The following CMAS variants were observed in gnomAD, a reference collection of about 807,000 sequenced individuals.
CMAS encodes cytidine monophosphate N-acetylneuraminic acid synthetase, also known as N-acylneuraminate cytidylyltransferase.
Under a neutral mutation model 53.4 loss-of-function variants are expected in CMAS, and 21 were observed. The ratio of observed to expected loss-of-function variants is 0.39; its 90% CI spans 0.28 to 0.57. CMAS has a LOEUF of 0.57. Ranked by LOEUF, CMAS falls within the 20% of genes least tolerant of loss-of-function variation. CMAS has a pLI of 0.56. For synonymous variants in CMAS, 189 were observed against 195.2 expected, an observed-to-expected ratio of 0.97 and a Z score of 0.27; for missense variants, 384 against 534.9, an observed-to-expected ratio of 0.72 and a Z score of 2.78.
rs1950299480 is a variant in CMAS at position 22,060,277 on chromosome 12, GTT to G, written c.694-553_694-552del. Among the ~76,000 whole-genome samples the G allele has an allele frequency of 2.2e-5, 3 of 133,550 alleles. No individual in the cohort carries two copies. In the South Asian group the frequency reaches 7.3e-4, roughly 32 times the overall value. The allele number at this position is 133,550 out of a possible 152,430, so 87.6% of individuals were successfully genotyped here. A position where few individuals can be genotyped will look rare whatever the true frequency, so the allele number is the denominator to read the frequency against. ...TTTTCTTAAATAGGGAACTTGAACT[GTT>G]TAGATAGAATTTGAAAAATGTTAAG... On this transcript the variant is annotated intron_variant, in intron 4 of 7. Coordinates refer to ENST00000229329, the MANE Select transcript of CMAS (RefSeq NM_018686.6).
chr12:22,047,040 C>T (rs1045792884), intron 1 of CMAS, among the ~76,000 whole-genome samples: 1 of 152,106 alleles, frequency 6.6e-6, no homozygotes, highest in African/African-American at 2.4e-5. Context: ...GTCGGGGTGT[C>T]AGAGCTGAAT....
rs1218636049 is a variant in CMAS, at chr12:22,046,233, G to A, written c.-71G>A. 3.0e-6 allele frequency: 4 copies of A among 1,353,944 alleles called. No homozygotes were observed. Among genetic ancestry groups the A allele is most frequent in the East Asian group, 6.2e-5 (2 of 32,266 alleles). The allele number at this position is 1,353,944 out of a possible 1,614,324, so 83.9% of individuals were successfully genotyped here. A position where few individuals can be genotyped will look rare whatever the true frequency, so the allele number is the denominator to read the frequency against. ...GCCAGCTGCCAGGCGGGGATCGGGC[G>A]GCGCCGAGCTGAGGTGGTGAGGGAC... is the stretch of plus-strand genomic sequence containing the variant. On this transcript the variant is annotated 5_prime_UTR_variant, in exon 1 of 8. Coordinates refer to ENST00000229329, the MANE Select transcript of CMAS (RefSeq NM_018686.6).
intron 4 of CMAS, 98 bp downstream of exon 4, chr12:22,058,798 A>G (rs1950286834): frequency 1.8e-5 from 25 of 1,404,756 alleles, no homozygotes; most frequent in Non-Finnish European, 2.1e-5. Context: ...ATGATAAAGA[A>G]AAGTATCAAC....
At chr12:22,062,230 CTT>C (rs1241959783) in intron 6 of CMAS, 49 bp from the exon 7 acceptor site, 1 of 1,499,610 alleles carries the variant, frequency 6.7e-7, no homozygotes, top group Non-Finnish European at 8.9e-7. Context: ...GTTTTCTTCA[CTT>C]TTTAATTTTT....
intron 7 of CMAS, 31 bp from the exon 8 acceptor site, chr12:22,065,090 A>ATGTT (rs1950337985): frequency 2.6e-6 from 4 of 1,540,386 alleles, no homozygotes; most frequent in Non-Finnish European, 3.6e-6. Context: ...GTCTCTTTAA[A>ATGTT]TGTTTGCTCA....
intron 4 of CMAS, 135 bp downstream of exon 4, chr12:22,058,835 A>G: frequency 9.8e-7 from 1 of 1,018,814 alleles, no homozygotes; most frequent in East Asian, 2.7e-5. Context: ...ATAGCCAACA[A>G]CATTTGCTAT....
chr12:22,058,068 C>T (rs1233972038), intron 3 of CMAS, among the ~76,000 whole-genome samples: 1 of 151,436 alleles, frequency 6.6e-6, no homozygotes, highest in East Asian at 2.0e-4. Flanking sequence ...CTCAAGTGAT[C>T]CGCCCGCCTT....
chr12:22,052,992 C>CAACTCATTATGA (rs1950245733), intron 1 of CMAS, among the ~76,000 whole-genome samples: 1 of 152,166 alleles, frequency 6.6e-6, no homozygotes, highest in Non-Finnish European at 1.5e-5. Flanking sequence ...GATAATTGAG[C>CAACTCATTATGA]ATAGACAAAC....
At chr12:22,058,018 C>G (rs1293612034) in intron 3 of CMAS, among the ~76,000 whole-genome samples, 2 of 151,336 alleles carry the variant, frequency 1.3e-5, no homozygotes, top group Non-Finnish European at 2.9e-5. Context: ...GTGGAGATGG[C>G]GTTTCACTAT....
At chr12:22,061,515 A>G (rs1950308410) in intron 6 of CMAS, 63 bp downstream of exon 6, 3 of 1,181,608 alleles carry the variant, frequency 2.5e-6, no homozygotes, top group Non-Finnish European at 1.2e-6. Flanking sequence ...AAGAACATGC[A>G]AGGAATTAAG....
intron 2 of CMAS, 26 bp downstream of exon 2, chr12:22,055,317 C>T: frequency 6.5e-7 from 1 of 1,546,380 alleles, no homozygotes; most frequent in East Asian, 2.3e-5. Context: ...ATAGTTTATT[C>T]AAACCTTTAT....
chr12:22,046,946 C>T (rs1307486569), intron 1 of CMAS, among the ~76,000 whole-genome samples: 1 of 152,148 alleles, frequency 6.6e-6, no homozygotes, highest in East Asian at 1.9e-4. Context: ...TGGGGGCCAT[C>T]GAAGCTCCCC....
At chr12:22,063,344 G>A (rs998287668) in intron 7 of CMAS, among the ~76,000 whole-genome samples, 11 of 152,156 alleles carry the variant, frequency 7.2e-5, no homozygotes, top group African/African-American at 2.7e-4. Context: ...CATAAATGCT[G>A]CAGAATGTTT....
At chr12:22,062,657 G>A (rs1950316542) in intron 7 of CMAS, among the ~76,000 whole-genome samples, 1 of 152,114 alleles carries the variant, frequency 6.6e-6, no homozygotes, top group Non-Finnish European at 1.5e-5. Flanking sequence ...CACAAGCTGT[G>A]AAGTCAGACT....
intron 3 of CMAS, among the ~76,000 whole-genome samples, chr12:22,057,079 TTTTCCTGGGTTA>T (rs1950272922): frequency 6.6e-6 from 1 of 152,196 alleles, no homozygotes; most frequent in South Asian, 2.1e-4. Context: ...TGCTAAGGTT[TTTTCCTGGGTTA>T]TTTCAAACAC....
chr12:22,049,037 T>A (rs913133550), intron 1 of CMAS, among the ~76,000 whole-genome samples: 1 of 152,180 alleles, frequency 6.6e-6, no homozygotes, highest in Non-Finnish European at 1.5e-5. Flanking sequence ...CAATCTGTCC[T>A]TAACACTTTA....
At chr12:22,053,803 T>C (rs1393510060) in intron 1 of CMAS, among the ~76,000 whole-genome samples, 2 of 149,758 alleles carry the variant, frequency 1.3e-5, no homozygotes, top group Non-Finnish European at 3.0e-5. Context: ...GGCATGAACC[T>C]GGGAGGCGGA....
intron 1 of CMAS, among the ~76,000 whole-genome samples, chr12:22,048,156 G>C (rs938071593): frequency 6.6e-6 from 1 of 152,206 alleles, no homozygotes; most frequent in Non-Finnish European, 1.5e-5. Context: ...ACCGAACCAC[G>C]TGTAGTAGCA....
intron 3 of CMAS, 41 bp downstream of exon 3, chr12:22,055,651 G>C: frequency 6.4e-7 from 1 of 1,560,300 alleles, no homozygotes; most frequent in South Asian, 1.2e-5. Context: ...ATTTTATTGA[G>C]AATCAATTTT....
Sources: gnomAD v4.1 joint callset for allele counts (sites outside exome capture counted in the v4.1 genomes callset) on GRCh38, gnomAD v4.1.1 for gene constraint, MANE v1.5 for transcripts, NCBI Gene and HGNC (gene_info 2026-07-23, HGNC 2026-07-21) for gene names.